Variants in WWOX observed in about 807,000 individuals in gnomAD.
The protein encoded by WWOX is WW domain-containing oxidoreductase.
A neutral mutation model predicts 46.2 loss-of-function variants in WWOX; 69 were observed. That is an observed-to-expected ratio of 1.49 (90% CI 1.23 to 1.82). The LOEUF is 1.82. Among genes scored for constraint, WWOX ranks in the 40% most tolerant of loss-of-function variants. The probability of loss-of-function intolerance (pLI) is 0.00; values close to 1 mark genes in which losing one functional copy is unlikely to be tolerated. For missense variants in WWOX, 919 were observed against 542.6 expected (o/e 1.69, Z -6.89); for synonymous variants, 359 against 202.6 (o/e 1.77, Z -6.56).
chr16:78,408,315 A>C (rs1315408680), intron 6 of WWOX, among the ~76,000 whole-genome samples: 1 of 152,126 alleles, frequency 6.6e-6, no homozygotes, highest in Admixed American at 6.5e-5. Context: ...CCTTCTGTGC[A>C]TGCTCACAAA....
At chr16:78,967,754 C>G (rs933696617) in intron 8 of WWOX, among the ~76,000 whole-genome samples, 2 of 152,108 alleles carry the variant, frequency 1.3e-5, no homozygotes, top group African/African-American at 2.4e-5. Flanking sequence ...GACTCAGAAG[C>G]TGGAGACTGC....
intron 8 of WWOX, among the ~76,000 whole-genome samples, chr16:78,521,806 C>A (rs957296443): frequency 1.3e-5 from 2 of 151,410 alleles, no homozygotes; most frequent in African/African-American, 2.4e-5. Context: ...GCATAAGAAG[C>A]CCATGTGAAA....
intron 5 of WWOX, among the ~76,000 whole-genome samples, chr16:78,169,861 G>A (rs560432181): frequency 1.3e-5 from 2 of 152,244 alleles, no homozygotes; most frequent in East Asian, 3.9e-4. Flanking sequence ...TGCCTGCCAG[G>A]CCCTCACTAG....
intron 8 of WWOX, among the ~76,000 whole-genome samples, chr16:78,938,185 T>G (rs1015176881): frequency 1.3e-5 from 2 of 152,118 alleles, no homozygotes; most frequent in Admixed American, 6.5e-5. Flanking sequence ...GATGGCTGTT[T>G]TGAGAGGAGT....
At chr16:78,925,002 C>T (rs1003351842) in intron 8 of WWOX, among the ~76,000 whole-genome samples, 1 of 152,084 alleles carries the variant, frequency 6.6e-6, no homozygotes, top group Non-Finnish European at 1.5e-5. Context: ...CAAGACCAGC[C>T]TGGGCAACAT....
At chr16:78,233,845 C>G (rs1352443393) in intron 5 of WWOX, among the ~76,000 whole-genome samples, 3 of 152,016 alleles carry the variant, frequency 2.0e-5, no homozygotes, top group Admixed American at 1.3e-4. Context: ...CAGTTTTTAC[C>G]CCAAGATGCA....
chr16:78,994,265 C>T (rs948581686), intron 8 of WWOX: 2 of 151,744 alleles, frequency 1.3e-5, no homozygotes, highest in Non-Finnish European at 2.9e-5. Flanking sequence ...CATTGGAGTA[C>T]CATTTAAAGA....
At chr16:78,893,446 C>T (rs1472127277) in intron 8 of WWOX, among the ~76,000 whole-genome samples, 1 of 152,008 alleles carries the variant, frequency 6.6e-6, no homozygotes, top group Non-Finnish European at 1.5e-5. Flanking sequence ...TTTTATTTTT[C>T]TGTTGCTACT....
At chr16:78,426,656 T>C (rs2083085441) in intron 7 of WWOX, among the ~76,000 whole-genome samples, 1 of 152,072 alleles carries the variant, frequency 6.6e-6, no homozygotes, top group Non-Finnish European at 1.5e-5. Flanking sequence ...TGCACATCGT[T>C]ATTTATTATT....
At chr16:78,278,205 G>C (rs2079613540) in intron 5 of WWOX, among the ~76,000 whole-genome samples, 1 of 152,212 alleles carries the variant, frequency 6.6e-6, no homozygotes, top group Non-Finnish European at 1.5e-5. Context: ...GTTTGTGAGT[G>C]TGTGTATGTG....
At chr16:78,861,069 C>T (rs2043873946) in intron 8 of WWOX, among the ~76,000 whole-genome samples, 1 of 152,132 alleles carries the variant, frequency 6.6e-6, no homozygotes, top group South Asian at 2.1e-4. Context: ...ATGTGCTTGC[C>T]TTGGCCTCCC....
rs372920816 is a variant in WWOX, at chr16:78,991,271, A to G, written c.1057-220337A>G. Among the ~76,000 whole-genome samples the G allele has an allele frequency of 9.0e-4, 137 of 152,284 alleles. 3 individuals are homozygous for G. In the South Asian group the frequency reaches 0.024, roughly 26 times the overall value. ...ACCCTCCCACTTTTGGCAATGAGAC[A>G]GCAAGCTTGGAATTTGGAGTCCATG... On this transcript the variant is annotated intron_variant, in intron 8 of 8. Transcript: ENST00000566780.
chr16:78,381,377 G>A (rs926800199), intron 5 of WWOX, among the ~76,000 whole-genome samples: 5 of 152,172 alleles, frequency 3.3e-5, no homozygotes, highest in African/African-American at 1.2e-4. Flanking sequence ...GCAGTGAACT[G>A]TGCTACTGAT....
chr16:78,641,727 T>G (rs886633223), intron 8 of WWOX, among the ~76,000 whole-genome samples: 2 of 152,166 alleles, frequency 1.3e-5, no homozygotes, highest in Non-Finnish European at 2.9e-5. Context: ...AACACAGTGA[T>G]AGACCCTGAG....
At chr16:78,467,935 T>G (rs1278692338) in intron 8 of WWOX, among the ~76,000 whole-genome samples, 4 of 152,206 alleles carry the variant, frequency 2.6e-5, no homozygotes, top group Non-Finnish European at 5.9e-5. Flanking sequence ...CTTTCTCACT[T>G]CATTGTCTTT....
At chr16:78,709,734 A>ATTT (rs11371557) in intron 8 of WWOX, among the ~76,000 whole-genome samples, 31 of 143,910 alleles carry the variant, frequency 2.2e-4, no homozygotes, top group Non-Finnish European at 3.0e-4. Context: ...AACAGTAAGC[A>ATTT]TTTTTTTTTT....
intron 4 of WWOX, among the ~76,000 whole-genome samples, chr16:78,151,595 T>TGGAATA (rs1479945127): frequency 6.6e-6 from 1 of 152,234 alleles, no homozygotes; most frequent in East Asian, 1.9e-4. Context: ...ATACCTTGTT[T>TGGAATA]GGAATAGGAA....
chr16:78,806,755 C>T (rs894779671), intron 8 of WWOX, among the ~76,000 whole-genome samples: 1 of 152,130 alleles, frequency 6.6e-6, no homozygotes, highest in Non-Finnish European at 1.5e-5. Flanking sequence ...TCAGACCCAC[C>T]CCAACCAGGT....
At chr16:79,071,916 G>A (rs139755628) in intron 8 of WWOX, among the ~76,000 whole-genome samples, 68 of 152,296 alleles carry the variant, frequency 4.5e-4, no homozygotes, top group African/African-American at 1.5e-3. Context: ...TGGTAGGGTG[G>A]CCAAACCTTG....
Sources: allele counts gnomAD v4.1 joint callset (sites outside exome capture counted in the v4.1 genomes callset), GRCh38; gene constraint gnomAD v4.1.1; transcripts MANE v1.5; gene names NCBI Gene and HGNC (gene_info 2026-07-23, HGNC 2026-07-21).